The following SNAP91 variants were observed in gnomAD, a reference collection of about 807,000 sequenced individuals.
SNAP91 encodes the protein synaptosome associated protein 91, also known as clathrin coat assembly protein AP180.
Under a neutral mutation model 100.3 loss-of-function variants are expected in SNAP91, and 27 were observed. That is an observed-to-expected ratio of 0.27 (90% confidence interval 0.20 to 0.37). The LOEUF (loss-of-function observed/expected upper bound fraction) is 0.37, where lower values mean the gene tolerates loss of function less well. Ranked by LOEUF, SNAP91 falls within the 10% of genes least tolerant of loss-of-function variation. The pLI is 1.00. For synonymous variants in SNAP91, 404 were observed against 398.6 expected (o/e 1.01, Z -0.16); for missense variants, 986 against 1,123.7 (o/e 0.88, Z 1.75).
chr6:83,645,777 G>T (rs188852126), intron 7 of SNAP91, among the ~76,000 whole-genome samples: 1 of 152,256 alleles, frequency 6.6e-6, no homozygotes, highest in Non-Finnish European at 1.5e-5. Flanking sequence ...CTTGAGCCCA[G>T]GAGGTCAAGG....
intron 9 of SNAP91, among the ~76,000 whole-genome samples, chr6:83,617,739 T>C (rs1291356662): frequency 6.6e-6 from 1 of 151,850 alleles, no homozygotes; most frequent in Non-Finnish European, 1.5e-5. Flanking sequence ...TTTTAGGCAA[T>C]ATAAAGTGAT....
At chr6:83,562,437 A>G (rs1789375669) in intron 26 of SNAP91, among the ~76,000 whole-genome samples, 1 of 152,218 alleles carries the variant, frequency 6.6e-6, no homozygotes, top group Non-Finnish European at 1.5e-5. Context: ...TTACATGATT[A>G]TAGTTAACTC....
intron 2 of SNAP91, among the ~76,000 whole-genome samples, chr6:83,689,036 G>T (rs1359424743): frequency 6.6e-6 from 1 of 152,158 alleles, no homozygotes; most frequent in Admixed American, 6.5e-5. Flanking sequence ...GAAATTAAGT[G>T]TTGCTTAGAA....
rs747428612 is a variant in SNAP91 at position 83,610,710 on chromosome 6, A to AATATAT, written c.885-39_885-34dup. 249 of 211,492 alleles carry AATATAT rather than the reference A, an allele frequency of 1.2e-3. 2 individuals are homozygous for AATATAT. Among genetic ancestry groups the AATATAT allele is most frequent in the Admixed American group, 1.4e-3 (22 of 16,062 alleles). The allele number at this position is 211,492 out of a possible 1,614,324, so 13.1% of individuals were successfully genotyped here. On this transcript the variant is annotated intron_variant, in intron 11 of 29. Transcript: ENST00000369694. ...GCAACATAAAAAAAAATTAAAACTGAATATATATATATATATATATATATA... is the reference window on the plus strand; with the variant it reads ...GCAACATAAAAAAAAATTAAAACTGAATATATATATATATATATATATATATATATA...
At chr6:83,648,389 T>A (rs2098046969) in intron 7 of SNAP91, among the ~76,000 whole-genome samples, 1 of 152,130 alleles carries the variant, frequency 6.6e-6, no homozygotes. Flanking sequence ...TGGTTTTTTT[T>A]TTCTATTATG....
intron 2 of SNAP91, chr6:83,689,620 T>G (rs2099106019): frequency 6.6e-6 from 1 of 152,136 alleles, no homozygotes; most frequent in Non-Finnish European, 1.5e-5. Context: ...AAATTCAGTA[T>G]GATGGTGCTC....
intron 7 of SNAP91, among the ~76,000 whole-genome samples, chr6:83,648,386 T>C (rs1368352699): frequency 6.6e-6 from 1 of 152,112 alleles, no homozygotes; most frequent in Non-Finnish European, 1.5e-5. Flanking sequence ...TTATGGTTTT[T>C]TTTTTCTATT....
chr6:83,698,730 C>G (rs2099254608), intron 2 of SNAP91, among the ~76,000 whole-genome samples: 1 of 152,132 alleles, frequency 6.6e-6, no homozygotes, highest in Non-Finnish European at 1.5e-5. Flanking sequence ...GATCCACACT[C>G]CAATATCTAA....
At chr6:83,658,435 C>T (rs975813103) in intron 6 of SNAP91, among the ~76,000 whole-genome samples, 1 of 151,970 alleles carries the variant, frequency 6.6e-6, no homozygotes, top group African/African-American at 2.4e-5. Context: ...TGGTGAGATG[C>T]CATCTCTACT....
At chr6:83,601,548 T>G (rs2095227521) in intron 15 of SNAP91, 37 bp downstream of exon 15, 1 of 1,613,002 alleles carries the variant, frequency 6.2e-7, no homozygotes, top group Non-Finnish European at 8.5e-7. Flanking sequence ...TACAGAAGTC[T>G]GTCAAAATGG....
At chr6:83,629,880 G>C (rs563463659) in intron 8 of SNAP91, among the ~76,000 whole-genome samples, 2 of 152,136 alleles carry the variant, frequency 1.3e-5, no homozygotes, top group East Asian at 3.9e-4. Context: ...AGGACTTCCG[G>C]TACTATGTTG....
At chr6:83,672,499 G>A (rs1435921888) in intron 2 of SNAP91, among the ~76,000 whole-genome samples, 1 of 151,768 alleles carries the variant, frequency 6.6e-6, no homozygotes, top group African/African-American at 2.4e-5. Context: ...TGACTCTACT[G>A]TAGTCCTTAT....
intron 10 of SNAP91, among the ~76,000 whole-genome samples, chr6:83,615,988 C>A (rs1333401354): frequency 6.6e-6 from 1 of 152,174 alleles, no homozygotes; most frequent in Non-Finnish European, 1.5e-5. Context: ...AAGCTGGTAT[C>A]ATCAACAGAG....
chr6:83,584,442 G>A (rs1405418708), intron 22 of SNAP91, among the ~76,000 whole-genome samples: 1 of 152,036 alleles, frequency 6.6e-6, no homozygotes, highest in Admixed American at 6.6e-5. Flanking sequence ...AGGACACTCT[G>A]CTTAGTGCTA....
chr6:83,610,088 C>G (rs2095895658), intron 12 of SNAP91, among the ~76,000 whole-genome samples: 1 of 152,048 alleles, frequency 6.6e-6, no homozygotes, highest in African/African-American at 2.4e-5. Flanking sequence ...CCATATGACC[C>G]AGCAATTCCA....
At chr6:83,681,159 T>C (rs987764427) in intron 2 of SNAP91, among the ~76,000 whole-genome samples, 1 of 152,176 alleles carries the variant, frequency 6.6e-6, no homozygotes, top group Non-Finnish European at 1.5e-5. Flanking sequence ...ATTACCTTTT[T>C]TGTCAGTCAA....
chr6:83,662,264 T>C, intron 4 of SNAP91, 83 bp downstream of exon 4: 1 of 462,582 alleles, frequency 2.2e-6, no homozygotes, highest in Non-Finnish European at 3.9e-6. Flanking sequence ...AATGAAGCTA[T>C]CAGTTGCAAT....
Position 83,560,140 on chromosome 6 carries a change from C to T in SNAP91, c.2595G>A (p.Arg865=). ...GTACAGCGGCAGCTCCAAAGGGGGG[C>T]CTCATCATGGGCTGTGCAAACATGA... is the stretch of plus-strand genomic sequence containing the variant. ...QPVMFAQPMM[R]PPFGAAAVPG... The change falls in exon 28 of 30, where the codon AGG becomes AGA. Residue 865 remains arginine (R), a synonymous_variant. Transcript: ENST00000369694. The T allele has an allele frequency of 6.2e-7, 1 of 1,613,850 alleles. No homozygotes were observed. The highest frequency in any genetic ancestry group is 8.5e-7 in the Non-Finnish European group (1 of 1,179,870).
At chr6:83,589,180 G>A (rs1171513997) in intron 22 of SNAP91, among the ~76,000 whole-genome samples, 1 of 152,152 alleles carries the variant, frequency 6.6e-6, no homozygotes, top group Non-Finnish European at 1.5e-5. Context: ...CCCAAAATGT[G>A]TATGAAGTTT....
Sources: gnomAD v4.1 joint callset for allele counts (sites outside exome capture counted in the v4.1 genomes callset) on GRCh38, gnomAD v4.1.1 for gene constraint, MANE v1.5 for transcripts, NCBI Gene and HGNC (gene_info 2026-07-23, HGNC 2026-07-21) for gene names.